CDH13: variants seen among roughly 807,000 people sequenced by gnomAD.
The protein encoded by CDH13 is cadherin 13, also known as cadherin-13.
Under a neutral mutation model 63.8 loss-of-function variants are expected in CDH13, and 24 were observed. That is an observed-to-expected ratio of 0.38 (90% CI 0.27 to 0.53). The LOEUF is 0.53. Ranked by LOEUF, CDH13 falls within the 20% of genes least tolerant of loss-of-function variation. CDH13 has a pLI of 0.85. For synonymous variants in CDH13, 503 were observed against 355.3 expected, an observed-to-expected ratio of 1.42 and a Z score of -4.67; for missense variants, 1,049 against 903.1, an observed-to-expected ratio of 1.16 and a Z score of -2.07.
intron 5 of CDH13, among the ~76,000 whole-genome samples, chr16:83,299,391 C>G (rs2089679890): frequency 2.0e-5 from 3 of 152,084 alleles, no homozygotes; most frequent in Admixed American, 2.0e-4. Flanking sequence ...TGTCACAAAT[C>G]AGTAGGTTTG....
At chr16:83,659,548 A>AG (rs1913246334) in intron 8 of CDH13, among the ~76,000 whole-genome samples, 1 of 152,242 alleles carries the variant, frequency 6.6e-6, no homozygotes, top group South Asian at 2.1e-4. Flanking sequence ...TTAGAATCAC[A>AG]GGGGGGTGTT....
At chr16:83,031,269 C>G (rs1262675697) in intron 2 of CDH13, among the ~76,000 whole-genome samples, 1 of 145,608 alleles carries the variant, frequency 6.9e-6, no homozygotes, top group African/African-American at 2.5e-5. Context: ...CATATACATG[C>G]GCATGTATAC....
chr16:82,673,172 C>A (rs1221728023), intron 1 of CDH13, among the ~76,000 whole-genome samples: 2 of 151,774 alleles, frequency 1.3e-5, no homozygotes. Context: ...CTTGTGCCCC[C>A]ATCAGTGTTC....
rs190450811 is a variant in CDH13 at position 82,738,971 on chromosome 16, A to G, written c.45+111834A>G. 1.6e-4 allele frequency among the ~76,000 whole-genome samples: 24 copies of G among 152,354 alleles called. No individual in the cohort carries two copies. The East Asian group carries it at 4.6e-3, about 29-fold the overall frequency. On this transcript the variant is annotated intron_variant, in intron 1 of 13. Transcript: ENST00000567109. Reference sequence around the variant, plus strand: ...CTTTCCAGAACCTTTTAGTGGATAAAGTTAATGCAGAAATGAGTTAAATAT... The same window carrying G: ...CTTTCCAGAACCTTTTAGTGGATAAGGTTAATGCAGAAATGAGTTAAATAT...
chr16:82,867,836 T>A (rs886864359), intron 2 of CDH13, among the ~76,000 whole-genome samples: 1 of 152,218 alleles, frequency 6.6e-6, no homozygotes, highest in Non-Finnish European at 1.5e-5. Flanking sequence ...GGATGAACTT[T>A]GCAGCCTCAC....
chr16:82,989,997 T>C (rs76345010), intron 2 of CDH13: 1 of 152,174 alleles, frequency 6.6e-6, no homozygotes, highest in Non-Finnish European at 1.5e-5. Flanking sequence ...CAAGGTTTTT[T>C]GAAGCCCAGA....
chr16:83,256,468 A>T (rs571171890), intron 5 of CDH13, among the ~76,000 whole-genome samples: 26 of 152,186 alleles, frequency 1.7e-4, no homozygotes, highest in African/African-American at 5.8e-4. Flanking sequence ...TTAGAGATAG[A>T]CTTTCAAAAT....
chr16:83,327,349 A>G (rs554278110), intron 5 of CDH13, among the ~76,000 whole-genome samples: 1 of 152,272 alleles, frequency 6.6e-6, no homozygotes, highest in Admixed American at 6.5e-5. Context: ...CTGAATCTTT[A>G]ATGCATTGTC....
intron 1 of CDH13, among the ~76,000 whole-genome samples, chr16:82,813,928 G>A (rs2037575024): frequency 6.6e-6 from 1 of 151,968 alleles, no homozygotes; most frequent in Admixed American, 6.6e-5. Context: ...CATGCAATAG[G>A]GATAATATTA....
intron 2 of CDH13, among the ~76,000 whole-genome samples, chr16:82,950,807 C>G (rs562928292): frequency 1.5e-5 from 2 of 132,122 alleles, no homozygotes; most frequent in African/African-American, 5.6e-5. Flanking sequence ...ACTCCCACAT[C>G]TTTTTTTTTT....
intron 4 of CDH13, among the ~76,000 whole-genome samples, chr16:83,176,193 C>T (rs2038115457): frequency 6.6e-6 from 1 of 150,980 alleles, no homozygotes; most frequent in Admixed American, 6.6e-5. Flanking sequence ...CATTTCCAAG[C>T]CAAAATGACT....
At chr16:83,732,276 G>T (rs1428925783) in intron 10 of CDH13, among the ~76,000 whole-genome samples, 1 of 152,204 alleles carries the variant, frequency 6.6e-6, no homozygotes, top group Non-Finnish European at 1.5e-5. Context: ...AGATGGGCTG[G>T]TTAGGAGGGA....
At chr16:82,902,024 C>T (rs191944061) in intron 2 of CDH13, among the ~76,000 whole-genome samples, 4 of 152,214 alleles carry the variant, frequency 2.6e-5, no homozygotes, top group South Asian at 2.1e-4. Flanking sequence ...ATAGCTATTA[C>T]GTGGCAGAGT....
At chr16:82,676,805 C>T (rs58832736) in intron 1 of CDH13, among the ~76,000 whole-genome samples, 1 of 152,168 alleles carries the variant, frequency 6.6e-6, no homozygotes, top group African/African-American at 2.4e-5. Flanking sequence ...CACCCCAGTC[C>T]TTGTTAAGTT....
At chr16:83,400,490 C>A (rs2091952176) in intron 6 of CDH13, among the ~76,000 whole-genome samples, 1 of 152,172 alleles carries the variant, frequency 6.6e-6, no homozygotes, top group Admixed American at 6.5e-5. Context: ...AATGAAGCTT[C>A]CTGAACTCAT....
chr16:83,146,953 T>C (rs2151687002), intron 4 of CDH13, among the ~76,000 whole-genome samples: 1 of 152,170 alleles, frequency 6.6e-6, no homozygotes, highest in African/African-American at 2.4e-5. Context: ...CCTGGTGTGG[T>C]GGCACACACT....
intron 1 of CDH13, among the ~76,000 whole-genome samples, chr16:82,810,207 G>A (rs776093815): frequency 2.0e-5 from 3 of 152,160 alleles, no homozygotes; most frequent in Non-Finnish European, 2.9e-5. Context: ...AGGCAAAAAC[G>A]TATCCAGTTC....
chr16:83,646,642 A>AGATCACG (rs1911821394), intron 8 of CDH13, among the ~76,000 whole-genome samples: 1 of 143,706 alleles, frequency 7.0e-6, no homozygotes, highest in Non-Finnish European at 1.5e-5. Context: ...CAGTGAGCTG[A>AGATCACG]GATCACGCGA....
chr16:82,808,899 T>C (rs956482371), intron 1 of CDH13, among the ~76,000 whole-genome samples: 2 of 152,204 alleles, frequency 1.3e-5, no homozygotes, highest in Admixed American at 6.6e-5. Flanking sequence ...GTTTCTGTAG[T>C]GAGCATCCTT....
Sources: allele counts gnomAD v4.1 joint callset (sites outside exome capture counted in the v4.1 genomes callset), GRCh38; gene constraint gnomAD v4.1.1; transcripts MANE v1.5; gene names NCBI Gene and HGNC (gene_info 2026-07-23, HGNC 2026-07-21).